Variants in ADGRB3 observed in about 807,000 individuals in gnomAD.
ADGRB3 encodes the protein adhesion G protein-coupled receptor B3, also known as brain-specific angiogenesis inhibitor 3.
ADGRB3 carries 37 observed loss-of-function variants against 193.4 expected under a neutral mutation model. That is an observed-to-expected ratio of 0.19 (90% CI 0.15 to 0.25). The LOEUF (loss-of-function observed/expected upper bound fraction) is 0.25, where lower values mean the gene tolerates loss of function less well. ADGRB3 is among the 10% of genes least tolerant of loss of function. The probability of loss-of-function intolerance (pLI) is 1.00; values close to 1 mark genes in which losing one functional copy is unlikely to be tolerated. For synonymous variants in ADGRB3, 690 were observed against 644.2 expected, an observed-to-expected ratio of 1.07 and a Z score of -1.08; for missense variants, 1,637 against 1,852.9, an observed-to-expected ratio of 0.88 and a Z score of 2.14.
chr6:68,853,941 A>C (rs535974672), intron 3 of ADGRB3, among the ~76,000 whole-genome samples: 1 of 152,238 alleles, frequency 6.6e-6, no homozygotes, highest in South Asian at 2.1e-4. Flanking sequence ...GTGCGAAGGG[A>C]ATTTTCTTTG....
chr6:69,212,905 T>C lies in ADGRB3; in HGVS notation c.2481-20385T>C, dbSNP rs556218122. 2.6e-5 allele frequency among the ~76,000 whole-genome samples: 4 copies of C among 152,306 alleles called. 1 individual carries two copies. In the South Asian group the frequency reaches 6.2e-4, roughly 24 times the overall value. On this transcript the variant is annotated intron_variant, in intron 17 of 31. Transcript: ENST00000370598. ...TGATAGGAGGTAGCAGACATTATTTTAGTTTAAAGTGGATAAAGAGGAGTG... is the reference window on the plus strand; with the variant it reads ...TGATAGGAGGTAGCAGACATTATTTCAGTTTAAAGTGGATAAAGAGGAGTG...
intron 20 of ADGRB3, among the ~76,000 whole-genome samples, chr6:69,309,825 C>G (rs763931937): frequency 6.6e-6 from 1 of 151,410 alleles, no homozygotes; most frequent in Non-Finnish European, 1.5e-5. Context: ...CCTCTGAAGG[C>G]AAAAATGTGT....
rs146179752 is a variant in ADGRB3, at chr6:69,123,235, A to G, written c.2480+47197A>G. Among the ~76,000 whole-genome samples the G allele has an allele frequency of 9.4e-3, 1,439 of 152,276 alleles. 25 individuals are homozygous for G. Among genetic ancestry groups the G allele is most frequent in the African/African-American group, 0.033 (1,375 of 41,542 alleles). On this transcript the variant is annotated intron_variant, in intron 17 of 31. Coordinates refer to ENST00000370598, the MANE Select transcript of ADGRB3 (RefSeq NM_001704.3). ...TACCATTTTGTATTTTTATGCATTC[A>G]TTAGGGAATTAATGTAATATAGGTG... is the stretch of plus-strand genomic sequence containing the variant.
intron 17 of ADGRB3, among the ~76,000 whole-genome samples, chr6:69,096,932 T>C (rs1241817665): frequency 1.3e-5 from 2 of 152,232 alleles, no homozygotes; most frequent in Non-Finnish European, 2.9e-5. Flanking sequence ...GGAATTTGCA[T>C]TGAGTCTTTG....
At chr6:69,080,322 T>A (rs953033170) in intron 17 of ADGRB3, among the ~76,000 whole-genome samples, 1 of 152,086 alleles carries the variant, frequency 6.6e-6, no homozygotes. Context: ...AAATTTTAAA[T>A]ACTTATACAA....
chr6:68,779,720 C>A (rs1306959689), intron 3 of ADGRB3, among the ~76,000 whole-genome samples: 1 of 152,012 alleles, frequency 6.6e-6, no homozygotes, highest in African/African-American at 2.4e-5. Context: ...TAGAGAGAGG[C>A]TAAGAATTTT....
chr6:68,638,638 T>G, intron 2 of ADGRB3, 23 bp from the exon 3 acceptor site: 1 of 1,563,620 alleles, frequency 6.4e-7, no homozygotes, highest in East Asian at 2.3e-5. Flanking sequence ...ACTTGCATTT[T>G]ACTTTCATTG....
rs537102082 is a variant in ADGRB3, at chr6:69,062,855, T to A, written c.2334-79T>A. The A allele has an allele frequency of 3.0e-6, 3 of 1,001,842 alleles. No individual in the cohort carries two copies. In the Admixed American group the frequency reaches 6.6e-5, roughly 22 times the overall value. The allele number at this position is 1,001,842 out of a possible 1,614,324, so 62.1% of individuals were successfully genotyped here. A position where few individuals can be genotyped will look rare whatever the true frequency, so the allele number is the denominator to read the frequency against. On this transcript the variant is annotated intron_variant, in intron 15 of 31. Coordinates refer to ENST00000370598, the MANE Select transcript of ADGRB3 (RefSeq NM_001704.3). ...CTTTGGATGCATTTATTTGAAACCA[T>A]CCCAAAATGTATTGAGCAGTAGGAA...
At chr6:68,855,220 A>G (rs1437009020) in intron 3 of ADGRB3, among the ~76,000 whole-genome samples, 1 of 152,188 alleles carries the variant, frequency 6.6e-6, no homozygotes, top group Non-Finnish European at 1.5e-5. Flanking sequence ...ATCTACAGCA[A>G]TGGTGATTGT....
At chr6:69,319,139 A>G (rs932325504) in intron 20 of ADGRB3, among the ~76,000 whole-genome samples, 1 of 151,228 alleles carries the variant, frequency 6.6e-6, no homozygotes, top group Non-Finnish European at 1.5e-5. Context: ...AAGTCTAAAA[A>G]TATTCTATTA....
At chr6:68,765,533 T>C (rs1009462124) in intron 3 of ADGRB3, among the ~76,000 whole-genome samples, 3 of 78,324 alleles carry the variant, frequency 3.8e-5, no homozygotes, top group Non-Finnish European at 8.5e-5. Context: ...TATATATTCT[T>C]ATAGACACAC....
At chr6:68,897,152 A>T (rs1766240169) in intron 3 of ADGRB3, among the ~76,000 whole-genome samples, 1 of 152,034 alleles carries the variant, frequency 6.6e-6, no homozygotes. Context: ...AGGGATGAAG[A>T]TAATTTTATT....
intron 3 of ADGRB3, among the ~76,000 whole-genome samples, chr6:68,772,730 CA>C (rs1766642787): frequency 6.6e-6 from 1 of 150,768 alleles, no homozygotes; most frequent in Non-Finnish European, 1.5e-5. Context: ...TAAAAACAAA[CA>C]AACAGGCCAG....
intron 8 of ADGRB3, among the ~76,000 whole-genome samples, chr6:68,966,898 A>G (rs1221174789): frequency 2.0e-5 from 3 of 152,232 alleles, no homozygotes; most frequent in Non-Finnish European, 4.4e-5. Flanking sequence ...GGGAATTCAT[A>G]AAGATGAGAT....
intron 5 of ADGRB3, among the ~76,000 whole-genome samples, chr6:68,937,961 A>T (rs913054064): frequency 4.6e-5 from 7 of 152,182 alleles, no homozygotes; most frequent in Admixed American, 4.6e-4. Context: ...TGGAGGAAAT[A>T]AAAAGTAAAG....
chr6:69,159,910 C>G (rs1774939424), intron 17 of ADGRB3, among the ~76,000 whole-genome samples: 1 of 152,138 alleles, frequency 6.6e-6, no homozygotes, highest in Non-Finnish European at 1.5e-5. Context: ...AAAGATGACT[C>G]TATCCTTCCA....
intron 17 of ADGRB3, among the ~76,000 whole-genome samples, chr6:69,195,877 G>A (rs1390237080): frequency 6.6e-6 from 1 of 152,038 alleles, no homozygotes; most frequent in Non-Finnish European, 1.5e-5. Flanking sequence ...CTATAGCAAG[G>A]CCTTATTTAT....
intron 13 of ADGRB3, among the ~76,000 whole-genome samples, chr6:69,031,571 C>CTTTCTTTCTTTCTCTCT (rs1337493560): frequency 6.5e-5 from 7 of 106,942 alleles, no homozygotes; most frequent in South Asian, 7.2e-4. Context: ...TTCTTTTCTT[C>CTTTCTTTCTTTCTCTCT]CTCTGTCTCT....
At position 69,008,086 on chromosome 6, in the gene ADGRB3, G is replaced by T. The variant is rs192308276; in HGVS notation, c.1930-5952G>T. ...ATTTGCAAGAGAGGAGCCCTCAATG[G>T]CATAATTACATTTTAAAGGCCCCAA... On this transcript the variant is annotated intron_variant, in intron 11 of 31. Coordinates refer to ENST00000370598, the MANE Select transcript of ADGRB3 (RefSeq NM_001704.3). Among the ~76,000 whole-genome samples the T allele has an allele frequency of 1.3e-5, 2 of 152,180 alleles. 1 individual carries two copies. Among genetic ancestry groups the T allele is most frequent in the Admixed American group, 1.3e-4 (2 of 15,268 alleles).
Sources: allele counts gnomAD v4.1 joint callset (sites outside exome capture counted in the v4.1 genomes callset), GRCh38; gene constraint gnomAD v4.1.1; transcripts MANE v1.5; gene names NCBI Gene and HGNC (gene_info 2026-07-23, HGNC 2026-07-21).